TRDN: variants seen among roughly 807,000 people sequenced by gnomAD.
The protein encoded by TRDN is triadin.
Under a neutral mutation model 149.7 loss-of-function variants are expected in TRDN, and 161 were observed. That is an observed-to-expected ratio of 1.08 (90% CI 0.95 to 1.23). TRDN has a LOEUF of 1.23. TRDN is among the 50% of genes most tolerant of loss of function. The pLI, the probability that TRDN is intolerant of heterozygous loss-of-function variation, is 0.00. For missense variants in TRDN, 896 were observed against 823.5 expected (o/e 1.09, Z -1.08); for synonymous variants, 294 against 250.5 (o/e 1.17, Z -1.64).
intron 12 of TRDN, chr6:123,421,471 A>G (rs940839406): frequency 2.6e-5 from 4 of 152,148 alleles, no homozygotes; most frequent in African/African-American, 7.2e-5. Context: ...TGATAGGAAT[A>G]TCAGGATCTT....
intron 5 of TRDN, chr6:123,529,578 T>A: frequency 2.0e-6 from 1 of 489,588 alleles, no homozygotes; most frequent in Non-Finnish European, 3.7e-6. Context: ...CTAGTATAAT[T>A]TAATTGATAC....
intron 24 of TRDN, among the ~76,000 whole-genome samples, chr6:123,315,116 T>C (rs1778976282): frequency 6.6e-6 from 1 of 152,134 alleles, no homozygotes; most frequent in Non-Finnish European, 1.5e-5. Flanking sequence ...AAATAAAGCA[T>C]AAAATACAAT....
intron 23 of TRDN, 49 bp from the exon 24 acceptor site, chr6:123,316,544 T>A (rs573642612): frequency 4.1e-5 from 64 of 1,563,014 alleles, no homozygotes; most frequent in Admixed American, 3.0e-4. Context: ...GGGAAAAAAA[T>A]AACATTTGAA....
chr6:123,529,108 A>G (rs1780089351), intron 5 of TRDN: 2 of 1,481,666 alleles, frequency 1.3e-6, no homozygotes, highest in East Asian at 2.5e-5. Context: ...TGCCATCTAC[A>G]TTACTACCGC....
rs186735760 is a variant in TRDN, at chr6:123,230,216, G to A, written c.1976-6085C>T. On this transcript the variant is annotated intron_variant, in intron 38 of 40. Coordinates refer to ENST00000334268, the MANE Select transcript of TRDN (RefSeq NM_006073.4). Reference sequence around the variant, plus strand: ...TAATACTATGCAGCCATAAAAAAAGGATGATTTCATGTCGTTTGTAGGGAC... The same window carrying A: ...TAATACTATGCAGCCATAAAAAAAGAATGATTTCATGTCGTTTGTAGGGAC... 8.2e-3 allele frequency among the ~76,000 whole-genome samples: 1,240 copies of A among 152,044 alleles called. 11 individuals are homozygous for A. The highest frequency in any genetic ancestry group is 0.01 in the Middle Eastern group (3 of 294).
chr6:123,251,573 T>C (rs1159246047), intron 38 of TRDN, among the ~76,000 whole-genome samples: 2 of 152,002 alleles, frequency 1.3e-5, no homozygotes, highest in African/African-American at 4.8e-5. Flanking sequence ...TAAAATAACA[T>C]ATTAAAATTA....
intron 38 of TRDN, among the ~76,000 whole-genome samples, chr6:123,233,456 C>T (rs1582752591): frequency 6.6e-6 from 1 of 151,974 alleles, no homozygotes; most frequent in Admixed American, 6.6e-5. Context: ...TGAATGTATG[C>T]GACCCTTTCT....
chr6:123,305,364 T>G (rs1484900155), intron 24 of TRDN, among the ~76,000 whole-genome samples: 2 of 152,174 alleles, frequency 1.3e-5, no homozygotes, highest in Non-Finnish European at 2.9e-5. Context: ...GTTATTAGAT[T>G]GTAACTCTAT....
Position 123,575,058 on chromosome 6 carries a change from T to G in TRDN, c.23-3926A>C, listed in dbSNP as rs1275743682. On this transcript the variant is annotated intron_variant, in intron 1 of 40. Coordinates refer to ENST00000334268, the MANE Select transcript of TRDN (RefSeq NM_006073.4). ...CCTTCCAATCCAATTATGGTACAAT[T>G]TTTAAATAGATGAAAATGATAAATT... Among the ~76,000 whole-genome samples, 6 of 151,606 alleles carry G rather than the reference T, an allele frequency of 4.0e-5. No individual in the cohort carries two copies. In the Admixed American group the frequency reaches 4.0e-4, roughly 10 times the overall value.
At chr6:123,278,969 G>GATAAA in intron 25 of TRDN, 87 bp downstream of exon 25, 1 of 1,230,964 alleles carries the variant, frequency 8.1e-7, no homozygotes, top group African/African-American at 1.6e-5. Flanking sequence ...ATGAAATCAA[G>GATAAA]ATAAATAACA....
At chr6:123,399,386 T>C (rs1041885924) in intron 12 of TRDN, among the ~76,000 whole-genome samples, 5 of 152,204 alleles carry the variant, frequency 3.3e-5, no homozygotes, top group Non-Finnish European at 7.3e-5. Context: ...AAGGTATCAA[T>C]TAATTTAAAT....
intron 20 of TRDN, among the ~76,000 whole-genome samples, chr6:123,353,671 GA>G (rs1343475069): frequency 3.3e-5 from 5 of 150,530 alleles, no homozygotes; most frequent in South Asian, 2.1e-4. Context: ...GGGAGGGAGG[GA>G]AAAAAAGGAG....
chr6:123,449,969 A>C (rs572883399), intron 10 of TRDN, among the ~76,000 whole-genome samples: 1 of 152,306 alleles, frequency 6.6e-6, no homozygotes, highest in South Asian at 2.1e-4. Flanking sequence ...AGTGAAACTA[A>C]GCATCATATA....
chr6:123,296,139 C>T (rs926327415), intron 24 of TRDN, among the ~76,000 whole-genome samples: 1 of 152,078 alleles, frequency 6.6e-6, no homozygotes, highest in Admixed American at 6.6e-5. Context: ...CATCTATTTA[C>T]TCAACTCGTG....
intron 1 of TRDN, among the ~76,000 whole-genome samples, chr6:123,590,863 G>GAA (rs1387085138): frequency 2.0e-5 from 3 of 152,124 alleles, no homozygotes; most frequent in Non-Finnish European, 4.4e-5. Flanking sequence ...CCTGGCCTGT[G>GAA]GAAAAATTGT....
intron 38 of TRDN, among the ~76,000 whole-genome samples, chr6:123,225,436 A>G (rs1433135418): frequency 6.6e-6 from 1 of 151,720 alleles, no homozygotes; most frequent in African/African-American, 2.4e-5. Context: ...TTCTGGGTAT[A>G]TATCCAAATA....
chr6:123,520,259 T>G (rs1779608459), intron 5 of TRDN, among the ~76,000 whole-genome samples: 1 of 152,138 alleles, frequency 6.6e-6, no homozygotes, highest in Non-Finnish European at 1.5e-5. Flanking sequence ...AAGGAAGAAT[T>G]TATTATTTTA....
At chr6:123,504,473 T>C (rs1352346933) in intron 7 of TRDN, among the ~76,000 whole-genome samples, 1 of 152,104 alleles carries the variant, frequency 6.6e-6, no homozygotes, top group Non-Finnish European at 1.5e-5. Flanking sequence ...CATTAGAAGA[T>C]AACTGAAAGA....
At chr6:123,393,751 G>A (rs1030342361) in intron 12 of TRDN, 74 bp from the exon 13 acceptor site, 34 of 1,367,662 alleles carry the variant, frequency 2.5e-5, no homozygotes, top group African/African-American at 4.4e-5. Context: ...AGGGACAGGG[G>A]AGCACAAACA....
Sources: allele counts gnomAD v4.1 joint callset (sites outside exome capture counted in the v4.1 genomes callset), GRCh38; gene constraint gnomAD v4.1.1; transcripts MANE v1.5; gene names NCBI Gene and HGNC (gene_info 2026-07-23, HGNC 2026-07-21).